Variants in PLA2G7 observed in about 807,000 individuals in gnomAD.
PLA2G7 encodes phospholipase A2 group VII, also known as platelet-activating factor acetylhydrolase.
In PLA2G7, 63 loss-of-function variants were observed where a neutral mutation model predicts 49.6. That is an observed-to-expected ratio of 1.27 (90% CI 1.04 to 1.57). PLA2G7 has a LOEUF of 1.57. Among genes scored for constraint, PLA2G7 ranks in the 40% most tolerant of loss-of-function variants. The pLI is 0.00. For synonymous variants in PLA2G7, 193 were observed against 169.9 expected, an observed-to-expected ratio of 1.14 and a Z score of -1.06; for missense variants, 596 against 521.2, an observed-to-expected ratio of 1.14 and a Z score of -1.40.
At chr6:46,727,508 C>T (rs1765610505) in intron 1 of PLA2G7, among the ~76,000 whole-genome samples, 2 of 152,130 alleles carry the variant, frequency 1.3e-5, no homozygotes, top group South Asian at 2.1e-4. Context: ...GGAATGGGGG[C>T]ATGTGGCAGG....
chr6:46,716,370 A>C lies in PLA2G7; in HGVS notation c.376+14T>G. Reference sequence around the variant, plus strand: ...ATGCAAGAGCCTACAAAGAAGGATCAACAGAAATCTTACCAAAGAGTAACC... The same window carrying C: ...ATGCAAGAGCCTACAAAGAAGGATCCACAGAAATCTTACCAAAGAGTAACC... On this transcript the variant is annotated intron_variant, in intron 4 of 11. Coordinates refer to ENST00000274793, the MANE Select transcript of PLA2G7 (RefSeq NM_005084.4). 1 of 1,613,964 alleles carries C rather than the reference A, an allele frequency of 6.2e-7. No homozygotes were observed. The highest frequency in any genetic ancestry group is 8.5e-7 in the Non-Finnish European group (1 of 1,179,834).
At chr6:46,715,856 T>C (rs1765181800) in intron 4 of PLA2G7, among the ~76,000 whole-genome samples, 1 of 152,216 alleles carries the variant, frequency 6.6e-6, no homozygotes, top group African/African-American at 2.4e-5. Context: ...GAAAAGTCTA[T>C]ATTAGCAGAA....
intron 1 of PLA2G7, among the ~76,000 whole-genome samples, chr6:46,729,887 A>G (rs748597934): frequency 7.9e-5 from 12 of 152,258 alleles, no homozygotes; most frequent in Non-Finnish European, 1.8e-4. Context: ...CAAGCTGTAC[A>G]TTGAGCAGTT....
chr6:46,706,067 C>G (rs1764815428), intron 10 of PLA2G7, among the ~76,000 whole-genome samples: 1 of 152,202 alleles, frequency 6.6e-6, no homozygotes, highest in East Asian at 1.9e-4. Flanking sequence ...TTTGCAATCT[C>G]TTCTACTTCA....
At position 46,714,454 on chromosome 6, in the gene PLA2G7, C is replaced by T. The variant is rs2150698764; in HGVS notation, c.470+6G>A. 1 of 1,584,376 alleles carries T rather than the reference C, an allele frequency of 6.3e-7. No individual in the cohort carries two copies. The highest frequency in any genetic ancestry group is 8.7e-7 in the Non-Finnish European group (1 of 1,152,974). ...AGCCAAAATTGTTCAACCTCTCAAACATTACCTGAATGCCCCAAGACCATG... is the reference window on the plus strand; with the variant it reads ...AGCCAAAATTGTTCAACCTCTCAAATATTACCTGAATGCCCCAAGACCATG... On this transcript the variant is annotated splice_donor_region_variant and intron_variant, in intron 5 of 11. Transcript: ENST00000274793.
chr6:46,731,566 T>G (rs954516800), intron 1 of PLA2G7, among the ~76,000 whole-genome samples: 1 of 152,212 alleles, frequency 6.6e-6, no homozygotes, highest in Non-Finnish European at 1.5e-5. Flanking sequence ...GACTTGTTTT[T>G]ATTGGTAACT....
At chr6:46,716,819 T>C (rs1765217426) in intron 3 of PLA2G7, among the ~76,000 whole-genome samples, 156 bp downstream of exon 3, 1 of 152,236 alleles carries the variant, frequency 6.6e-6, no homozygotes, top group African/African-American at 2.4e-5. Context: ...AATTGAGGAA[T>C]GGCCAAACTA....
At position 46,707,986 on chromosome 6, in the gene PLA2G7, C is replaced by T; in HGVS notation, c.1040+5G>A. On this transcript the variant is annotated splice_donor_5th_base_variant and intron_variant, in intron 10 of 11. Transcript: ENST00000274793. ...CACATAATGAAATAAGTCACTAATA[C>T]TTACCTGATTGTAATCATCTTTCTT... 1 of 1,538,216 alleles carries T rather than the reference C, an allele frequency of 6.5e-7. No homozygotes were observed. Among genetic ancestry groups the T allele is most frequent in the Non-Finnish European group, 9.0e-7 (1 of 1,113,474 alleles).
In PLA2G7 at chr6:46,716,485, C is replaced by A. The variant is rs1805017; in HGVS notation, c.275G>T (p.Arg92Leu). 1.9e-6 allele frequency: 3 copies of A among 1,613,390 alleles called. No individual in the cohort carries two copies. Among genetic ancestry groups the A allele is most frequent in the African/African-American group, 2.7e-5 (2 of 74,834 alleles). Residue 92 changes from arginine (R) to leucine (L), a missense_variant, in exon 4 of 12, where the codon CGC (arginine) becomes CTC (leucine). Arg to Leu is a moderately radical substitution (Grantham distance 102). Coordinates refer to ENST00000274793, the MANE Select transcript of PLA2G7 (RefSeq NM_005084.4). The part of the protein sequence containing the change: ...RLYYPSQDND[R>L]LDTLWIPNKE... ...ATTTGGGATCCAAAGGGTGTCAAGG[C>A]GATCATTATCTTGGGATGGATAATA...
chr6:46,726,475 T>C (rs1765577659), intron 1 of PLA2G7, among the ~76,000 whole-genome samples: 1 of 152,184 alleles, frequency 6.6e-6, no homozygotes, highest in African/African-American at 2.4e-5. Context: ...GCTAGAAATG[T>C]ATTTATATTT....
rs869226250 is a variant in PLA2G7 at position 46,717,709 on chromosome 6, CTTTTTCT to C, written c.110-620_110-614del. Among the ~76,000 whole-genome samples the C allele has an allele frequency of 1.8e-3, 204 of 116,204 alleles. 1 individual carries two copies. Among genetic ancestry groups the C allele is most frequent in the East Asian group, 0.017 (56 of 3,340 alleles). 76.2% of individuals were successfully genotyped at this position (116,204 alleles called of 152,430 possible). On this transcript the variant is annotated intron_variant, in intron 2 of 11. Transcript: ENST00000274793. ...GGAGCCTCTATTTTCTTTCTTTTTT[CTTTTTCT>C]TTTTTTTTTTTTTTGAGACAGAGTC... is the stretch of plus-strand genomic sequence containing the variant.
At chr6:46,709,099 A>G (rs1764923505) in intron 9 of PLA2G7, among the ~76,000 whole-genome samples, 1 of 152,176 alleles carries the variant, frequency 6.6e-6, no homozygotes, top group Non-Finnish European at 1.5e-5. Flanking sequence ...GGTAAACAAG[A>G]ATAATGAGGG....
chr6:46,723,142 C>G (rs544154912), intron 1 of PLA2G7, among the ~76,000 whole-genome samples: 1 of 152,066 alleles, frequency 6.6e-6, no homozygotes, highest in Non-Finnish European at 1.5e-5. Flanking sequence ...GATTGTAGAG[C>G]AGAGAAATAA....
At chr6:46,707,929 G>C in intron 10 of PLA2G7, 62 bp downstream of exon 10, 1 of 1,012,662 alleles carries the variant, frequency 9.9e-7, no homozygotes, top group Non-Finnish European at 1.5e-6. Context: ...AAATGATATC[G>C]ATTGATATTT....
intron 1 of PLA2G7, among the ~76,000 whole-genome samples, chr6:46,724,560 AGCCGCCCCTGT>A (rs1426655468): frequency 4.6e-5 from 7 of 152,214 alleles, no homozygotes. Flanking sequence ...TACATTTCTT[AGCCGCCCCTGT>A]GGTTGGGCTG....
At chr6:46,713,237 A>G (rs933124651) in intron 5 of PLA2G7, among the ~76,000 whole-genome samples, 2 of 152,206 alleles carry the variant, frequency 1.3e-5, no homozygotes. Flanking sequence ...CACAGAGAAT[A>G]AAAAGGAGGT....
rs200121866 is a variant in PLA2G7, at chr6:46,705,313, C to T, written c.1041-12G>A. 2.5e-6 allele frequency: 4 copies of T among 1,607,014 alleles called. No homozygotes were observed. Among genetic ancestry groups the T allele is most frequent in the Non-Finnish European group, 3.4e-6 (4 of 1,174,262 alleles). ...GGTGGACTGAACCCCTAAAAGAGAA[C>T]AAGACATTTAAAAGTCACATTGTTT... is the stretch of plus-strand genomic sequence containing the variant. On this transcript the variant is annotated splice_polypyrimidine_tract_variant and intron_variant, in intron 10 of 11. Transcript: ENST00000274793.
chr6:46,723,161 G>C (rs1005651409), intron 1 of PLA2G7, among the ~76,000 whole-genome samples: 1 of 152,150 alleles, frequency 6.6e-6, no homozygotes, highest in South Asian at 2.1e-4. Flanking sequence ...AATACTTTCA[G>C]ACAGTTAGAT....
At chr6:46,704,808 G>T in intron 11 of PLA2G7, 112 bp from the exon 12 acceptor site, 1 of 724,494 alleles carries the variant, frequency 1.4e-6, no homozygotes, top group Non-Finnish European at 2.4e-6. Flanking sequence ...CGTTAGGATG[G>T]TAGAGACGAT....
Sources: gnomAD v4.1 joint callset for allele counts (sites outside exome capture counted in the v4.1 genomes callset) on GRCh38, gnomAD v4.1.1 for gene constraint, MANE v1.5 for transcripts, NCBI Gene and HGNC (gene_info 2026-07-23, HGNC 2026-07-21) for gene names.